Variants in SLC12A8 observed in about 807,000 individuals in gnomAD.
SLC12A8 encodes the protein cation-chloride cotransporter 9.
In SLC12A8, 69 loss-of-function variants were observed where a neutral mutation model predicts 75.6. The observed-to-expected ratio is 0.91, with a 90% CI of 0.75 to 1.11. The LOEUF is 1.11. Ranked by LOEUF, SLC12A8 falls within the 50% of genes most tolerant of loss-of-function variation. SLC12A8 has a pLI of 0.00. For missense variants in SLC12A8, 877 were observed against 896.7 expected (o/e 0.98, Z 0.28); for synonymous variants, 365 against 372.8 (o/e 0.98, Z 0.24).
intron 5 of SLC12A8, among the ~76,000 whole-genome samples, chr3:125,147,481 C>T (rs187837933): frequency 1.3e-5 from 2 of 152,294 alleles, no homozygotes; most frequent in Admixed American, 1.3e-4. Context: ...TCTGCAGGCG[C>T]TTATGGAGAG....
At chr3:125,167,326 C>T (rs1288619228) in intron 5 of SLC12A8, among the ~76,000 whole-genome samples, 4 of 151,958 alleles carry the variant, frequency 2.6e-5, no homozygotes, top group African/African-American at 4.8e-5. Flanking sequence ...TTGTATTTTT[C>T]GTAGAGATGG....
chr3:125,083,954 G>C lies in SLC12A8; in HGVS notation c.2081C>G (p.Ala694Gly), dbSNP rs1938393536. 6.2e-7 allele frequency: 1 copy of C among 1,613,572 alleles called. No individual in the cohort carries two copies. The highest frequency in any genetic ancestry group is 1.1e-5 in the South Asian group (1 of 90,954). The change falls in exon 14 of 14, where the codon GCC becomes GGC. Residue 694 changes from alanine to glycine, a missense_variant. Transcript: ENST00000469902. ...TQLTQENADFATRDRYHHSSL... is the reference protein window; with the variant it reads ...TQLTQENADFGTRDRYHHSSL... Reference sequence around the variant, plus strand: ...GGAGTGGTGGTAGCGATCCCGAGTGGCGAAGTCTGCATTCTCCTGGGTGAG... The same window carrying C: ...GGAGTGGTGGTAGCGATCCCGAGTGCCGAAGTCTGCATTCTCCTGGGTGAG...
At chr3:125,136,236 G>A (rs1449651412) in intron 5 of SLC12A8, among the ~76,000 whole-genome samples, 1 of 152,104 alleles carries the variant, frequency 6.6e-6, no homozygotes, top group Non-Finnish European at 1.5e-5. Context: ...CCTGGCAACA[G>A]CCACCGCTCC....
chr3:125,181,780 C>G (rs1458224123), intron 4 of SLC12A8, among the ~76,000 whole-genome samples: 1 of 136,026 alleles, frequency 7.4e-6, no homozygotes, highest in Non-Finnish European at 1.7e-5. Context: ...AAAAGCTGAT[C>G]TTTTAAAAAA....
chr3:125,199,014 G>C (rs475155), intron 2 of SLC12A8, among the ~76,000 whole-genome samples: 1 of 151,766 alleles, frequency 6.6e-6, no homozygotes, highest in Admixed American at 6.6e-5. Context: ...TCCTGACCTC[G>C]TGATCCACCC....
chr3:125,200,752 T>C (rs559477443), intron 2 of SLC12A8, among the ~76,000 whole-genome samples: 2 of 152,352 alleles, frequency 1.3e-5, no homozygotes, highest in East Asian at 3.9e-4. Flanking sequence ...GTTTTTGCTT[T>C]GTGTTATTCT....
At chr3:125,166,467 A>G (rs923679859) in intron 5 of SLC12A8, among the ~76,000 whole-genome samples, 2 of 152,064 alleles carry the variant, frequency 1.3e-5, no homozygotes, top group Non-Finnish European at 2.9e-5. Context: ...TAAAATATGA[A>G]CTTGAGTCAG....
chr3:125,185,675 C>T (rs1367714761), intron 4 of SLC12A8, among the ~76,000 whole-genome samples: 2 of 152,186 alleles, frequency 1.3e-5, no homozygotes, highest in African/African-American at 4.8e-5. Flanking sequence ...AAACTACAGA[C>T]CAATATCCCT....
At chr3:125,185,584 A>G (rs1271887726) in intron 4 of SLC12A8, among the ~76,000 whole-genome samples, 3 of 152,198 alleles carry the variant, frequency 2.0e-5, no homozygotes, top group Admixed American at 6.5e-5. Context: ...TCCAAAAAAT[A>G]GAGAAGGAGG....
intron 2 of SLC12A8, among the ~76,000 whole-genome samples, chr3:125,191,420 T>G (rs1359115452): frequency 7.5e-6 from 1 of 134,222 alleles, no homozygotes; most frequent in African/African-American, 2.8e-5. Context: ...TAATCTAAAC[T>G]CAGGCATGAA....
intron 2 of SLC12A8, among the ~76,000 whole-genome samples, chr3:125,191,307 A>C (rs1382711027): frequency 6.6e-6 from 1 of 152,178 alleles, no homozygotes; most frequent in Non-Finnish European, 1.5e-5. Context: ...TCAAATGGAA[A>C]CCCTTTACTA....
rs776376183 is a variant in SLC12A8 at position 125,091,434 on chromosome 3, C to G, written c.1921+5G>C. ...AACCAGTGGCAAAATGGCTCTGCTG[C>G]TTACCAAGGTGAAGCCCTGGACTGG... On this transcript the variant is annotated splice_donor_5th_base_variant and intron_variant, in intron 12 of 13. Coordinates refer to ENST00000469902, the MANE Select transcript of SLC12A8 (RefSeq NM_024628.6). 10 of 1,607,148 alleles carry G rather than the reference C, an allele frequency of 6.2e-6. No individual in the cohort carries two copies. The highest frequency in any genetic ancestry group is 8.5e-6 in the Non-Finnish European group (10 of 1,173,902).
In SLC12A8 at chr3:125,084,016, C is replaced by T. The variant is rs763526253; in HGVS notation, c.2019G>A (p.Ala673=). Residue 673 remains alanine, a synonymous_variant, in exon 14 of 14, where the codon GCG becomes GCA. Coordinates refer to ENST00000469902, the MANE Select transcript of SLC12A8 (RefSeq NM_024628.6). ...CCATGTCAACCTTAGCCAGGGACGG[C>T]GCCAAGATGATCTGCTCCTGAGGGG... The part of the protein sequence containing the change: ...LRSPQEQIIL[A]PSLAKVDMEM... 26 of 1,612,774 alleles carry T rather than the reference C, an allele frequency of 1.6e-5. No individual in the cohort carries two copies. Among genetic ancestry groups the T allele is most frequent in the East Asian group, 1.6e-4 (7 of 44,858 alleles).
intron 2 of SLC12A8, among the ~76,000 whole-genome samples, chr3:125,209,399 C>T (rs1302751740): frequency 6.6e-6 from 1 of 152,210 alleles, no homozygotes; most frequent in Non-Finnish European, 1.5e-5. Context: ...GCTCAGTATA[C>T]AGTAAGTGCC....
intron 10 of SLC12A8, among the ~76,000 whole-genome samples, chr3:125,093,428 C>A (rs1217242515): frequency 6.6e-6 from 1 of 152,112 alleles, no homozygotes; most frequent in Non-Finnish European, 1.5e-5. Context: ...GTCTCATATA[C>A]CAGTGTTCTT....
At chr3:125,188,697 C>T (rs1389896135) in intron 3 of SLC12A8, among the ~76,000 whole-genome samples, 1 of 152,210 alleles carries the variant, frequency 6.6e-6, no homozygotes, top group Admixed American at 6.5e-5. Context: ...GGAGAGGGTC[C>T]TAGGAGTGGG....
At chr3:125,178,090 G>A in intron 4 of SLC12A8, 116 bp from the exon 5 acceptor site, 1 of 842,818 alleles carries the variant, frequency 1.2e-6, no homozygotes, top group Admixed American at 2.1e-5. Flanking sequence ...CTGGCACCAA[G>A]GCACAGTGCC....
chr3:125,142,960 C>T (rs1014840426), intron 5 of SLC12A8, among the ~76,000 whole-genome samples: 1 of 152,214 alleles, frequency 6.6e-6, no homozygotes, highest in Non-Finnish European at 1.5e-5. Flanking sequence ...GCTCCAGAAC[C>T]GTGAAACAAG....
chr3:125,170,408 ATAAAG>A (rs1033185184), intron 5 of SLC12A8, among the ~76,000 whole-genome samples: 1 of 152,278 alleles, frequency 6.6e-6, no homozygotes, highest in Non-Finnish European at 1.5e-5. Flanking sequence ...ATCTTTAAAT[ATAAAG>A]TATTTTAAAT....
Sources: gnomAD v4.1 joint callset for allele counts (sites outside exome capture counted in the v4.1 genomes callset) on GRCh38, gnomAD v4.1.1 for gene constraint, MANE v1.5 for transcripts, NCBI Gene and HGNC (gene_info 2026-07-23, HGNC 2026-07-21) for gene names.